MAP3K5: variants seen among roughly 807,000 people sequenced by gnomAD.
The protein encoded by MAP3K5 is mitogen-activated protein kinase kinase kinase 5.
Under a neutral mutation model 158.7 loss-of-function variants are expected in MAP3K5, and 56 were observed. That is an observed-to-expected ratio of 0.35 (90% confidence interval 0.28 to 0.44). MAP3K5 has a LOEUF of 0.44. Ranked by LOEUF, MAP3K5 falls within the 20% of genes least tolerant of loss-of-function variation. The pLI is 1.00. For missense variants in MAP3K5, 1,294 were observed against 1,674.8 expected (o/e 0.77, Z 3.97); for synonymous variants, 579 against 601.7 (o/e 0.96, Z 0.55).
At chr6:136,574,016 C>A (rs1319466176) in intron 25 of MAP3K5, among the ~76,000 whole-genome samples, 1 of 151,814 alleles carries the variant, frequency 6.6e-6, no homozygotes, top group African/African-American at 2.4e-5. Context: ...CTGCAACCTC[C>A]GCCTCCCAGG....
At chr6:136,642,706 T>C (rs1778041471) in intron 11 of MAP3K5, 137 bp from the exon 12 acceptor site, 2 of 652,900 alleles carry the variant, frequency 3.1e-6, no homozygotes, top group South Asian at 1.9e-5. Context: ...AAGAATTATC[T>C]GGATGGAAAG....
chr6:136,634,642 C>T (rs533940614), intron 14 of MAP3K5, among the ~76,000 whole-genome samples: 15 of 151,728 alleles, frequency 9.9e-5, no homozygotes, highest in Admixed American at 7.9e-4. Context: ...TGCAGTGGTG[C>T]GATCTCGGCT....
intron 1 of MAP3K5, among the ~76,000 whole-genome samples, chr6:136,786,027 G>A (rs150025854): frequency 2.0e-5 from 3 of 152,184 alleles, no homozygotes; most frequent in African/African-American, 7.2e-5. Context: ...ACCTCTTCAC[G>A]GTTCAGTGTT....
At position 136,782,590 on chromosome 6, in the gene MAP3K5, A is replaced by G. The variant is rs530868171; in HGVS notation, c.448+9120T>C. Among the ~76,000 whole-genome samples, 11 of 152,344 alleles carry G rather than the reference A, an allele frequency of 7.2e-5. No individual in the cohort carries two copies. In the South Asian group the frequency reaches 1.4e-3, roughly 20 times the overall value. On this transcript the variant is annotated intron_variant, in intron 1 of 29. Transcript: ENST00000359015. ...TACTTCCTGTATGAATCATATACCA[A>G]AGGCAATTGCTTTCCTCATTGTTGA...
intron 23 of MAP3K5, among the ~76,000 whole-genome samples, chr6:136,589,517 C>T (rs1298591341): frequency 6.6e-6 from 1 of 152,138 alleles, no homozygotes; most frequent in African/African-American, 2.4e-5. Context: ...CACAGAATTC[C>T]AGGGAACACA....
intron 1 of MAP3K5, among the ~76,000 whole-genome samples, chr6:136,791,492 C>A (rs1480054077): frequency 1.3e-5 from 2 of 152,096 alleles, no homozygotes; most frequent in African/African-American, 4.8e-5. Context: ...TGGGTGGATC[C>A]ATAGGTCTAT....
intron 1 of MAP3K5, among the ~76,000 whole-genome samples, chr6:136,786,379 CAAAAAAAAAAA>C (rs11398691): frequency 3.7e-5 from 3 of 81,008 alleles, no homozygotes; most frequent in Non-Finnish European, 4.9e-5. Context: ...AACTCCATCT[CAAAAAAAAAAA>C]AAAAAAAAAA....
intron 7 of MAP3K5, among the ~76,000 whole-genome samples, chr6:136,681,897 CA>C (rs1226548506): frequency 1.3e-5 from 2 of 152,020 alleles, no homozygotes; most frequent in Non-Finnish European, 2.9e-5. Context: ...CCAGCCTGGG[CA>C]ACAGAGCAAG....
At chr6:136,679,587 T>G (rs1452521554) in intron 7 of MAP3K5, among the ~76,000 whole-genome samples, 4 of 152,158 alleles carry the variant, frequency 2.6e-5, no homozygotes, top group Non-Finnish European at 5.9e-5. Context: ...GACTACTTAT[T>G]TGTGTACATA....
At chr6:136,645,932 C>T in intron 11 of MAP3K5, among the ~76,000 whole-genome samples, 1 of 152,096 alleles carries the variant, frequency 6.6e-6, no homozygotes, top group East Asian at 1.9e-4. Context: ...ATAAAAACAA[C>T]CCATTTTTAG....
At chr6:136,580,526 C>A (rs1433998858) in intron 24 of MAP3K5, 120 bp from the exon 25 acceptor site, 9 of 563,632 alleles carry the variant, frequency 1.6e-5, no homozygotes, top group Non-Finnish European at 2.9e-5. Context: ...AACTTGAATT[C>A]TTTGTAATTC....
chr6:136,736,911 C>T (rs1250066722), intron 1 of MAP3K5, among the ~76,000 whole-genome samples: 2 of 151,850 alleles, frequency 1.3e-5, no homozygotes, highest in Non-Finnish European at 2.9e-5. Flanking sequence ...CCCCTGGACT[C>T]AAGTGATCCT....
At chr6:136,703,380 C>T (rs1162259504) in intron 3 of MAP3K5, among the ~76,000 whole-genome samples, 1 of 152,214 alleles carries the variant, frequency 6.6e-6, no homozygotes, top group African/African-American at 2.4e-5. Context: ...ATAATGGCTA[C>T]CCTCTTTTTA....
At chr6:136,728,071 T>C (rs1347680701) in intron 1 of MAP3K5, among the ~76,000 whole-genome samples, 2 of 152,228 alleles carry the variant, frequency 1.3e-5, no homozygotes, top group African/African-American at 4.8e-5. Flanking sequence ...TTCCTTGTTC[T>C]GACTGAGTTA....
At chr6:136,581,718 G>C (rs1481569863) in intron 24 of MAP3K5, among the ~76,000 whole-genome samples, 1 of 152,120 alleles carries the variant, frequency 6.6e-6, no homozygotes, top group East Asian at 1.9e-4. Context: ...ATGAACCCTT[G>C]CTAGGTTCCC....
At chr6:136,757,368 G>A (rs2114950858) in intron 1 of MAP3K5, among the ~76,000 whole-genome samples, 1 of 152,276 alleles carries the variant, frequency 6.6e-6, no homozygotes, top group East Asian at 1.9e-4. Flanking sequence ...GTCAGGGCTG[G>A]GTCTTTGGAG....
intron 15 of MAP3K5, among the ~76,000 whole-genome samples, chr6:136,618,728 C>T (rs1239496163): frequency 6.6e-6 from 1 of 152,144 alleles, no homozygotes; most frequent in East Asian, 1.9e-4. Flanking sequence ...ATATATATTA[C>T]CTAGGTATTT....
intron 2 of MAP3K5, among the ~76,000 whole-genome samples, chr6:136,705,678 A>G (rs964388343): frequency 3.3e-5 from 5 of 152,208 alleles, no homozygotes; most frequent in Non-Finnish European, 7.3e-5. Flanking sequence ...AACAAAACAA[A>G]GCAAAACAAA....
intron 1 of MAP3K5, among the ~76,000 whole-genome samples, chr6:136,753,679 C>T (rs1783324872): frequency 6.6e-6 from 1 of 152,210 alleles, no homozygotes; most frequent in Non-Finnish European, 1.5e-5. Context: ...TCCATCATGT[C>T]TCATTCAGGC....
Sources: allele counts gnomAD v4.1 joint callset (sites outside exome capture counted in the v4.1 genomes callset), GRCh38; gene constraint gnomAD v4.1.1; transcripts MANE v1.5; gene names NCBI Gene and HGNC (gene_info 2026-07-23, HGNC 2026-07-21).